NCBP1: variants seen among roughly 807,000 people sequenced by gnomAD.
NCBP1 encodes the protein nuclear cap binding protein subunit 1.
Under a neutral mutation model 111.7 loss-of-function variants are expected in NCBP1, and 16 were observed. The ratio of observed to expected loss-of-function variants is 0.14; its 90% CI spans 0.10 to 0.22. The LOEUF (loss-of-function observed/expected upper bound fraction) is 0.22. NCBP1 is among the 10% of genes least tolerant of loss of function. The probability of loss-of-function intolerance (pLI) is 1.00; values close to 1 mark genes in which losing one functional copy is unlikely to be tolerated. For synonymous variants in NCBP1, 304 were observed against 314.3 expected, an observed-to-expected ratio of 0.97 and a Z score of 0.35; for missense variants, 607 against 957.5, an observed-to-expected ratio of 0.63 and a Z score of 4.83.
chr9:97,635,577 AT>A (rs35533187), intron 1 of NCBP1, among the ~76,000 whole-genome samples: 10 of 148,738 alleles, frequency 6.7e-5, no homozygotes, highest in East Asian at 2.0e-4. Flanking sequence ...CGCCCGGCTA[AT>A]TTTTTTTTTG....
intron 8 of NCBP1, among the ~76,000 whole-genome samples, chr9:97,648,781 C>T (rs961032197): frequency 1.3e-5 from 2 of 152,210 alleles, no homozygotes; most frequent in Admixed American, 6.5e-5. Flanking sequence ...GAGATCTAAG[C>T]TCACTGCAAC....
intron 8 of NCBP1, among the ~76,000 whole-genome samples, chr9:97,648,803 G>C (rs1040529659): frequency 6.6e-6 from 1 of 152,100 alleles, no homozygotes; most frequent in African/African-American, 2.4e-5. Flanking sequence ...TCTGCCTCCT[G>C]TGCTCAAGCG....
In NCBP1 at chr9:97,647,821, C is replaced by A. The variant is rs3802474; in HGVS notation, c.682-187C>A. Among the ~76,000 whole-genome samples the A allele has an allele frequency of 0.12, 17,999 of 152,096 alleles. 3,025 individuals carry two copies. Among genetic ancestry groups the A allele is most frequent in the African/African-American group, 0.37 (15,188 of 41,444 alleles). The stretch of plus-strand genomic sequence containing the variant: ...TTTAAATGCTTAATTTGAAAAATGT[C>A]AAAACAGACAGTTCCAAACAGGTAG... On this transcript the variant is annotated intron_variant, in intron 7 of 22. Transcript: ENST00000375147.
chr9:97,644,439 T>C (rs973604169), intron 4 of NCBP1, among the ~76,000 whole-genome samples: 3 of 152,136 alleles, frequency 2.0e-5, no homozygotes, highest in Non-Finnish European at 4.4e-5. Flanking sequence ...GTTACCTCCT[T>C]TGTGATGCTT....
chr9:97,634,034 C>T, intron 1 of NCBP1, 119 bp downstream of exon 1: 2 of 1,259,282 alleles, frequency 1.6e-6, no homozygotes, highest in Non-Finnish European at 2.1e-6. Context: ...CGGGGAGCCG[C>T]GGAGGGAAAG....
chr9:97,640,411 G>T (rs1827173211), intron 1 of NCBP1, among the ~76,000 whole-genome samples: 1 of 152,244 alleles, frequency 6.6e-6, no homozygotes, highest in African/African-American at 2.4e-5. Flanking sequence ...ACAAGCAACT[G>T]AGGATCAGTA....
chr9:97,652,564 G>A (rs1827528063), intron 10 of NCBP1, among the ~76,000 whole-genome samples: 1 of 152,214 alleles, frequency 6.6e-6, no homozygotes, highest in East Asian at 1.9e-4. Context: ...AGGCTGCAGT[G>A]AGCTGAAATT....
intron 1 of NCBP1, among the ~76,000 whole-genome samples, chr9:97,635,217 C>T (rs1393339791): frequency 6.6e-6 from 1 of 152,130 alleles, no homozygotes; most frequent in African/African-American, 2.4e-5. Flanking sequence ...CTATCTGACA[C>T]CTAAGGGTCT....
At chr9:97,649,738 A>AT (rs34699502) in intron 8 of NCBP1, among the ~76,000 whole-genome samples, 88,375 of 145,426 alleles carry the variant, frequency 0.61, 27,115 homozygotes, top group Middle Eastern at 0.68. Flanking sequence ...GTGGTCGGGT[A>AT]TTTTTTTTTT....
intron 9 of NCBP1, 111 bp from the exon 10 acceptor site, chr9:97,651,199 T>G: frequency 2.7e-6 from 2 of 746,904 alleles, no homozygotes; most frequent in Non-Finnish European, 4.0e-6. Context: ...CTAGGACATT[T>G]CAAAAAAGAT....
At chr9:97,634,710 A>G (rs1826948773) in intron 1 of NCBP1, 1 of 152,250 alleles carries the variant, frequency 6.6e-6, no homozygotes, top group Non-Finnish European at 1.5e-5. Flanking sequence ...AAATCCACAC[A>G]CCAAAAAAGT....
rs1225031291 is a variant in NCBP1 at position 97,661,734 on chromosome 9, T to TG, written c.1601-308_1601-307insG. Among the ~76,000 whole-genome samples the TG allele has an allele frequency of 7.0e-5, 8 of 113,898 alleles. No individual in the cohort carries two copies. The East Asian group carries it at 2.7e-3, about 39-fold the overall frequency. 74.7% of individuals were successfully genotyped at this position (113,898 alleles called of 152,430 possible). On this transcript the variant is annotated intron_variant, in intron 16 of 22. Coordinates refer to ENST00000375147, the MANE Select transcript of NCBP1 (RefSeq NM_002486.5). ...CATCTTAAGACATAAGCTTAAGTGTTTTTTTTTTTTTTTTTTGGTATTAAT... is the reference window on the plus strand; with the variant it reads ...CATCTTAAGACATAAGCTTAAGTGTTGTTTTTTTTTTTTTTTTGGTATTAAT...
chr9:97,654,564 TAAA>T (rs113841701), intron 11 of NCBP1, among the ~76,000 whole-genome samples: 8 of 140,800 alleles, frequency 5.7e-5, no homozygotes, highest in Non-Finnish European at 6.3e-5. Flanking sequence ...AACCTTCAGT[TAAA>T]AAAAAAAAAA....
intron 14 of NCBP1, among the ~76,000 whole-genome samples, chr9:97,657,950 C>T (rs1413391660): frequency 7.0e-6 from 1 of 143,246 alleles, no homozygotes; most frequent in Non-Finnish European, 1.5e-5. Flanking sequence ...TTTTAACGTC[C>T]CCAGCCATTC....
Position 97,662,148 on chromosome 9 carries a change from T to C in NCBP1, c.1703+4T>C, listed in dbSNP as rs759553392. The C allele has an allele frequency of 6.2e-7, 1 of 1,605,098 alleles. No homozygotes were observed. Among genetic ancestry groups the C allele is most frequent in the Non-Finnish European group, 8.5e-7 (1 of 1,171,808 alleles). ...ACTCCTTCAGTGCTCTTGCAAAGTA[T>C]GTATGAGTACAGAGCCTTGCTTGAG... On this transcript the variant is annotated splice_donor_region_variant and intron_variant, in intron 17 of 22. Transcript: ENST00000375147.
At chr9:97,662,746 A>G (rs1251711680) in intron 17 of NCBP1, among the ~76,000 whole-genome samples, 1 of 152,226 alleles carries the variant, frequency 6.6e-6, no homozygotes, top group African/African-American at 2.4e-5. Flanking sequence ...TAACGGTAGT[A>G]TATTGTAAAT....
rs147441201 is a variant in NCBP1 at position 97,639,084 on chromosome 9, T to C, written c.35-1710T>C. Among the ~76,000 whole-genome samples, 10 of 152,328 alleles carry C rather than the reference T, an allele frequency of 6.6e-5. No homozygotes were observed. In the East Asian group the frequency reaches 1.9e-3, roughly 29 times the overall value. ...TTAAGAATCAAGGTCCCTGAACCTC[T>C]GTGCCACACATGTCTACAACTTTAC... On this transcript the variant is annotated intron_variant, in intron 1 of 22. Transcript: ENST00000375147.
intron 10 of NCBP1, among the ~76,000 whole-genome samples, chr9:97,653,381 A>G (rs975495078): frequency 2.6e-5 from 4 of 152,188 alleles, no homozygotes; most frequent in South Asian, 2.1e-4. Flanking sequence ...TCAGCCTCCC[A>G]AAGTGCTGGG....
At chr9:97,636,789 C>T (rs576359693) in intron 1 of NCBP1, among the ~76,000 whole-genome samples, 17 of 151,378 alleles carry the variant, frequency 1.1e-4, no homozygotes. Flanking sequence ...AGAAGACAGT[C>T]AAGTAAAGTA....
Sources: allele counts gnomAD v4.1 joint callset (sites outside exome capture counted in the v4.1 genomes callset), GRCh38; gene constraint gnomAD v4.1.1; transcripts MANE v1.5; gene names NCBI Gene and HGNC (gene_info 2026-07-23, HGNC 2026-07-21).